Variants in PACRG observed in about 807,000 individuals in gnomAD.
The protein encoded by PACRG is parkin coregulated.
A neutral mutation model predicts 29.7 loss-of-function variants in PACRG; 29 were observed. That is an observed-to-expected ratio of 0.98 (90% CI 0.73 to 1.33). PACRG has a LOEUF of 1.33. Ranked by LOEUF, PACRG falls within the 40% of genes most tolerant of loss-of-function variation. PACRG has a pLI of 0.00. For synonymous variants in PACRG, 116 were observed against 118.7 expected, an observed-to-expected ratio of 0.98 and a Z score of 0.15; for missense variants, 279 against 316.2, an observed-to-expected ratio of 0.88 and a Z score of 0.89.
At chr6:163,100,705 G>A (rs1318242391) in intron 4 of PACRG, 1 of 829,068 alleles carries the variant, frequency 1.2e-6, no homozygotes, top group Non-Finnish European at 1.5e-6. Context: ...CTCTTAGTAT[G>A]AAATCAGCTT....
chr6:162,834,132 GT>G (rs1789016719), intron 2 of PACRG, among the ~76,000 whole-genome samples: 2 of 152,062 alleles, frequency 1.3e-5, no homozygotes. Flanking sequence ...AAGTGTATTT[GT>G]TTTTGTATAG....
At chr6:162,774,826 C>T (rs1783513735) in intron 1 of PACRG, among the ~76,000 whole-genome samples, 1 of 152,110 alleles carries the variant, frequency 6.6e-6, no homozygotes, top group East Asian at 1.9e-4. Context: ...TTATTCCAGA[C>T]ATCAGAATGT....
chr6:162,835,551 A>C (rs1203857215), intron 2 of PACRG, among the ~76,000 whole-genome samples: 1 of 152,162 alleles, frequency 6.6e-6, no homozygotes, highest in Non-Finnish European at 1.5e-5. Context: ...TTTAGCCATA[A>C]ATGCATTTTA....
chr6:163,125,491 C>A (rs922095357), intron 4 of PACRG, among the ~76,000 whole-genome samples: 4 of 152,158 alleles, frequency 2.6e-5, no homozygotes, highest in Non-Finnish European at 4.4e-5. Context: ...AACATAATCT[C>A]AACACATGCA....
chr6:162,819,152 C>T (rs1206636719), intron 2 of PACRG, among the ~76,000 whole-genome samples: 1 of 152,034 alleles, frequency 6.6e-6, no homozygotes, highest in Non-Finnish European at 1.5e-5. Flanking sequence ...ATGAATAAAA[C>T]CAGAACTGAT....
At chr6:163,179,979 C>T (rs1191356694) in intron 4 of PACRG, among the ~76,000 whole-genome samples, 1 of 152,252 alleles carries the variant, frequency 6.6e-6, no homozygotes, top group Non-Finnish European at 1.5e-5. Flanking sequence ...GTGCTGGACA[C>T]ATGCCTGGCT....
intron 2 of PACRG, among the ~76,000 whole-genome samples, chr6:163,035,457 G>A (rs1248195744): frequency 6.6e-6 from 1 of 152,116 alleles, no homozygotes; most frequent in African/African-American, 2.4e-5. Context: ...GATCAGCCTG[G>A]CCAACATGGT....
chr6:162,856,849 A>G (rs925301109), intron 2 of PACRG, among the ~76,000 whole-genome samples: 1 of 152,020 alleles, frequency 6.6e-6, no homozygotes. Context: ...TTTCCCCCTG[A>G]ATTTTGTTTT....
At chr6:163,301,414 A>G (rs1784998078) in intron 4 of PACRG, among the ~76,000 whole-genome samples, 2 of 152,230 alleles carry the variant, frequency 1.3e-5, no homozygotes, top group East Asian at 1.9e-4. Context: ...TTGTTTGCTC[A>G]TAAAGTCCTA....
At chr6:162,795,560 T>C (rs1785309016) in intron 1 of PACRG, among the ~76,000 whole-genome samples, 1 of 152,152 alleles carries the variant, frequency 6.6e-6, no homozygotes, top group African/African-American at 2.4e-5. Context: ...TTTGGAGATT[T>C]CCTGACTAAT....
At chr6:162,981,122 T>C (rs1802382461) in intron 2 of PACRG, among the ~76,000 whole-genome samples, 1 of 151,992 alleles carries the variant, frequency 6.6e-6, no homozygotes, top group Non-Finnish European at 1.5e-5. Flanking sequence ...CACTTATGAG[T>C]GATAACATAC....
intron 2 of PACRG, among the ~76,000 whole-genome samples, chr6:162,869,602 A>G (rs1046961071): frequency 6.6e-6 from 1 of 152,178 alleles, no homozygotes; most frequent in African/African-American, 2.4e-5. Flanking sequence ...TTTGTTTACC[A>G]TGATAAAATT....
At chr6:162,816,068 T>C (rs1283587744) in intron 2 of PACRG, among the ~76,000 whole-genome samples, 1 of 152,142 alleles carries the variant, frequency 6.6e-6, no homozygotes, top group Non-Finnish European at 1.5e-5. Flanking sequence ...AGATGAATCA[T>C]TTTCTTTATC....
intron 4 of PACRG, among the ~76,000 whole-genome samples, chr6:163,120,311 G>A (rs893800899): frequency 3.9e-5 from 6 of 152,184 alleles, no homozygotes; most frequent in Non-Finnish European, 8.8e-5. Context: ...GATCTCCCTT[G>A]TTTCCACTGC....
chr6:162,781,239 A>G (rs907301258), intron 1 of PACRG, among the ~76,000 whole-genome samples: 1 of 152,082 alleles, frequency 6.6e-6, no homozygotes, highest in Non-Finnish European at 1.5e-5. Flanking sequence ...TCTTTAAAGT[A>G]TGCAAAAAAT....
intron 2 of PACRG, among the ~76,000 whole-genome samples, chr6:162,932,156 AC>A (rs1420921566): frequency 6.6e-6 from 1 of 152,062 alleles, no homozygotes; most frequent in Non-Finnish European, 1.5e-5. Flanking sequence ...AAGAAACCAA[AC>A]AAAAAGGAGT....
chr6:163,095,240 T>C lies in PACRG; in HGVS notation c.613+5832T>C, dbSNP rs1222684091. The C allele has an allele frequency of 3.0e-6, 3 of 984,080 alleles. No individual in the cohort carries two copies. The African/African-American group carries it at 5.2e-5, about 17-fold the overall frequency. 61.0% of individuals were successfully genotyped at this position (984,080 alleles called of 1,614,324 possible). The stretch of plus-strand genomic sequence containing the variant: ...CTTCACTGAGACTGCTACATTTGAG[T>C]CTATTTTCAACCCAAATCCACTTAT... On this transcript the variant is annotated intron_variant, in intron 4 of 4. Transcript: ENST00000366888.
At chr6:162,787,550 T>C (rs1050435105) in intron 1 of PACRG, among the ~76,000 whole-genome samples, 2 of 138,276 alleles carry the variant, frequency 1.4e-5, no homozygotes, top group Non-Finnish European at 3.1e-5. Context: ...TGTATATATA[T>C]ATGGTTATTG....
At chr6:162,830,073 A>G (rs1788619355) in intron 2 of PACRG, among the ~76,000 whole-genome samples, 1 of 152,012 alleles carries the variant, frequency 6.6e-6, no homozygotes, top group African/African-American at 2.4e-5. Flanking sequence ...GAGCTGAGGG[A>G]TTTAATATTG....
Sources: gnomAD v4.1 joint callset for allele counts (sites outside exome capture counted in the v4.1 genomes callset) on GRCh38, gnomAD v4.1.1 for gene constraint, MANE v1.5 for transcripts, NCBI Gene and HGNC (gene_info 2026-07-23, HGNC 2026-07-21) for gene names.